TAF3: variants seen among roughly 807,000 people sequenced by gnomAD.
TAF3 encodes the protein transcription initiation factor TFIID subunit 3.
Under a neutral mutation model 80.6 loss-of-function variants are expected in TAF3, and 7 were observed. The observed-to-expected ratio is 0.09, with a 90% CI of 0.05 to 0.16. The LOEUF (loss-of-function observed/expected upper bound fraction) is 0.16. Ranked by LOEUF, TAF3 falls within the 10% of genes least tolerant of loss-of-function variation. TAF3 has a pLI of 1.00. For missense variants in TAF3, 921 were observed against 1,140.2 expected, an observed-to-expected ratio of 0.81 and a Z score of 2.77; for synonymous variants, 444 against 446.1, an observed-to-expected ratio of 1.00 and a Z score of 0.06.
chr10:8,011,798 T>A (rs1293977757), intron 5 of TAF3, among the ~76,000 whole-genome samples: 1 of 152,246 alleles, frequency 6.6e-6, no homozygotes, highest in Admixed American at 6.5e-5. Context: ...TGGCATGTTC[T>A]AGCTCTAAAA....
At chr10:8,013,643 C>G in intron 5 of TAF3, 88 bp from the exon 6 acceptor site, 1 of 1,000,988 alleles carries the variant, frequency 1.0e-6, no homozygotes, top group Non-Finnish European at 1.5e-6. Flanking sequence ...ATTCGGTTAA[C>G]AGTATAAAGT....
chr10:7,898,010 A>C (rs1010683536), intron 2 of TAF3, among the ~76,000 whole-genome samples: 2 of 151,834 alleles, frequency 1.3e-5, no homozygotes, highest in Non-Finnish European at 2.9e-5. Context: ...AATCTCTTGA[A>C]CTTTTAATAT....
chr10:7,993,880 CT>C (rs953356058), intron 4 of TAF3, among the ~76,000 whole-genome samples: 7,375 of 104,368 alleles, frequency 0.071, 159 homozygotes, highest in Middle Eastern at 0.13. Flanking sequence ...AATATACAAT[CT>C]TTTTTTTTTT....
chr10:7,873,663 C>T (rs570734978), intron 2 of TAF3, among the ~76,000 whole-genome samples: 3 of 135,956 alleles, frequency 2.2e-5, no homozygotes, highest in Admixed American at 7.3e-5. Context: ...AGGGGAGTCC[C>T]CCACTCCCTT....
chr10:7,885,631 A>G lies in TAF3; in HGVS notation c.409+61071A>G, dbSNP rs544611841. ...ATTTTCTCCTTTGCATCTATATTCA[A>G]TTATCCATGTTTCTAATTCAAATGC... On this transcript the variant is annotated intron_variant, in intron 2 of 6. Transcript: ENST00000344293. Among the ~76,000 whole-genome samples the G allele has an allele frequency of 2.6e-3, 400 of 152,156 alleles. 2 individuals are homozygous for G. Among genetic ancestry groups the G allele is most frequent in the African/African-American group, 8.9e-3 (370 of 41,508 alleles).
At chr10:7,823,473 T>TA (rs879431278) in intron 1 of TAF3, among the ~76,000 whole-genome samples, 72 of 142,670 alleles carry the variant, frequency 5.0e-4, no homozygotes, top group Middle Eastern at 3.6e-3. Flanking sequence ...TCTACAAAAT[T>TA]AAAAAAAAAA....
Position 8,015,018 on chromosome 10 carries a change from A to G in TAF3, c.*267A>G, listed in dbSNP as rs1269691833. 6.2e-6 allele frequency: 2 copies of G among 322,308 alleles called. No individual in the cohort carries two copies. Among genetic ancestry groups the G allele is most frequent in the South Asian group, 4.2e-5 (1 of 23,894 alleles). 20.0% of individuals were successfully genotyped at this position (322,308 alleles called of 1,614,324 possible). On this transcript the variant is annotated 3_prime_UTR_variant, in exon 7 of 7. Coordinates refer to ENST00000344293, the MANE Select transcript of TAF3 (RefSeq NM_031923.4). ...GCCCCTCCTCCACTTCTCTAATACC[A>G]GTGACAAGTATTATTAATAAAGAGC... is the stretch of plus-strand genomic sequence containing the variant.
In TAF3 at chr10:7,965,315, T is replaced by G. The variant is rs1831558946; in HGVS notation, c.1805T>G (p.Val602Gly). The G allele has an allele frequency of 1.9e-6, 3 of 1,603,514 alleles. No individual in the cohort carries two copies. The highest frequency in any genetic ancestry group is 3.5e-5 in the Admixed American group (2 of 57,590). Residue 602 changes from valine (V) to glycine (G), a missense_variant, in exon 3 of 7, where the codon GTG becomes GGG. Physicochemically the swap from Val to Gly is moderately radical, Grantham distance 109. Around this residue, in one of 6 missense-constraint regions of TAF3, gnomAD observed 743 missense variants for 821.0 expected, o/e 0.90. Transcript: ENST00000344293. Reference sequence around the variant, plus strand: ...GAATTTGAAGATGTTGATCCCAAAGTGAAATTGAAAGATGGACTTGTGAGG... The same window carrying G: ...GAATTTGAAGATGTTGATCCCAAAGGGAAATTGAAAGATGGACTTGTGAGG... ...IKEFEDVDPK[V>G]KLKDGLVRKE...
intron 5 of TAF3, among the ~76,000 whole-genome samples, chr10:8,010,527 A>G (rs1238197075): frequency 6.6e-6 from 1 of 152,234 alleles, no homozygotes; most frequent in Non-Finnish European, 1.5e-5. Context: ...TTTATTGGCT[A>G]TGATCCAGAA....
intron 4 of TAF3, among the ~76,000 whole-genome samples, chr10:8,006,450 C>T (rs764036790): frequency 3.8e-4 from 58 of 151,736 alleles, no homozygotes; most frequent in Middle Eastern, 3.5e-3. Flanking sequence ...AATTGGCTTT[C>T]AAGTGCTTAG....
chr10:7,938,309 C>T (rs913731689), intron 2 of TAF3, among the ~76,000 whole-genome samples: 13 of 151,838 alleles, frequency 8.6e-5, no homozygotes, highest in South Asian at 2.1e-4. Context: ...GGCCCCACTG[C>T]GCAGGAGGAC....
intron 2 of TAF3, among the ~76,000 whole-genome samples, chr10:7,836,293 CTTT>C (rs34253534): frequency 1.1e-4 from 15 of 132,540 alleles, no homozygotes; most frequent in Admixed American, 2.3e-4. Context: ...TTTTTTCTTT[CTTT>C]TTTTTTTTTT....
intron 2 of TAF3, among the ~76,000 whole-genome samples, chr10:7,896,294 C>G (rs563645377): frequency 6.6e-6 from 1 of 152,280 alleles, no homozygotes; most frequent in South Asian, 2.1e-4. Flanking sequence ...AAAACGTAGA[C>G]CAAAACCAAT....
chr10:7,957,792 G>GCCCTCT (rs373350330), intron 2 of TAF3, among the ~76,000 whole-genome samples: 1 of 134,288 alleles, frequency 7.4e-6, no homozygotes, highest in African/African-American at 2.9e-5. Flanking sequence ...TCTCTCTAGC[G>GCCCTCT]CGCTCTCTCT....
chr10:7,892,428 A>G (rs906078886), intron 2 of TAF3, among the ~76,000 whole-genome samples: 2 of 152,238 alleles, frequency 1.3e-5, no homozygotes, highest in African/African-American at 2.4e-5. Flanking sequence ...CTTGATTACA[A>G]AATTTTGTAA....
At chr10:7,931,265 C>G (rs1837867139) in intron 2 of TAF3, among the ~76,000 whole-genome samples, 4 of 152,118 alleles carry the variant, frequency 2.6e-5, no homozygotes, top group Middle Eastern at 3.2e-3. Flanking sequence ...AATGAAGTCA[C>G]CGTGAAGTCA....
chr10:7,989,852 G>C (rs981143456), intron 4 of TAF3, among the ~76,000 whole-genome samples: 2 of 152,178 alleles, frequency 1.3e-5, no homozygotes, highest in Non-Finnish European at 1.5e-5. Context: ...AAAGTTTGGA[G>C]CATAATGTTC....
rs1280503752 is a variant in TAF3 at position 7,964,117 on chromosome 10, G to T, written c.607G>T (p.Asp203Tyr). 6 of 1,614,052 alleles carry T rather than the reference G, an allele frequency of 3.7e-6. No individual in the cohort carries two copies. The highest frequency in any genetic ancestry group is 4.2e-6 in the Non-Finnish European group (5 of 1,180,004). The change falls in exon 3 of 7, where the codon GAC becomes TAC. Residue 203 changes from aspartate to tyrosine, a missense_variant. By Grantham distance (160) the Asp-to-Tyr change is radical (BLOSUM62 -3). Coordinates refer to ENST00000344293, the MANE Select transcript of TAF3 (RefSeq NM_031923.4). This position sits in a 1 kb window ranked among gnomAD's most constrained non-coding sequence, Gnocchi z 4.1. ...KRPRLLSTKG[D>Y]TLDVVLLEAR... ...GCCTCGGCTATTAAGCACTAAAGGGGACACGCTAGATGTTGTGTTATTGGA... is the reference window on the plus strand; with the variant it reads ...GCCTCGGCTATTAAGCACTAAAGGGTACACGCTAGATGTTGTGTTATTGGA...
intron 2 of TAF3, among the ~76,000 whole-genome samples, chr10:7,931,829 G>A (rs1202058731): frequency 6.6e-6 from 1 of 152,192 alleles, no homozygotes; most frequent in Non-Finnish European, 1.5e-5. Context: ...ATGACTGACA[G>A]TTCCTACCTG....
Sources: allele counts gnomAD v4.1 joint callset (sites outside exome capture counted in the v4.1 genomes callset), GRCh38; gene constraint gnomAD v4.1.1; regional missense constraint gnomAD v4.1.1; non-coding constraint Gnocchi (gnomAD v3.1); transcripts MANE v1.5; gene names NCBI Gene and HGNC (gene_info 2026-07-23, HGNC 2026-07-21).